The following SPMIP2 variants were observed in gnomAD, a reference collection of about 807,000 sequenced individuals.
SPMIP2 encodes sperm microtubule inner protein 2, also known as protein SPMIP2.
chr4:158,943,818 A>G, the SPMIP2 span, among the ~76,000 whole-genome samples: 2 of 139,464 alleles, frequency 1.4e-5, no homozygotes, highest in Admixed American at 1.4e-4. Context: ...AAAATCCTAC[A>G]CTTGGCCCTT....
chr4:159,007,672 A>G, the SPMIP2 span: 1 of 730,084 alleles, frequency 1.4e-6, no homozygotes, highest in Non-Finnish European at 2.4e-6. Flanking sequence ...CATGTAATGG[A>G]CTACTGGGTC....
At chr4:158,994,375 G>T in the SPMIP2 span, among the ~76,000 whole-genome samples, 3 of 152,174 alleles carry the variant, frequency 2.0e-5, no homozygotes, top group Non-Finnish European at 4.4e-5. Context: ...TTAATTTCCA[G>T]AACTGCCTTA....
At chr4:158,977,675 C>T in the SPMIP2 span, among the ~76,000 whole-genome samples, 1 of 142,200 alleles carries the variant, frequency 7.0e-6, no homozygotes, top group Non-Finnish European at 1.5e-5. Flanking sequence ...AGAGCAGTGG[C>T]ACAATCTCGG....
chr4:159,027,004 A>T, the SPMIP2 span, among the ~76,000 whole-genome samples: 1 of 147,788 alleles, frequency 6.8e-6, no homozygotes, highest in Admixed American at 6.8e-5. Flanking sequence ...GCAGCAACTG[A>T]TTTTTTTTTT....
At chr4:159,046,990 G>A in the SPMIP2 span, among the ~76,000 whole-genome samples, 10 of 152,184 alleles carry the variant, frequency 6.6e-5, no homozygotes, top group Non-Finnish European at 1.5e-4. Context: ...GGGGTTGATG[G>A]ACAGAGAGTT....
chr4:159,036,335 G>A, the SPMIP2 span, among the ~76,000 whole-genome samples: 2 of 152,204 alleles, frequency 1.3e-5, no homozygotes, highest in Non-Finnish European at 2.9e-5. Flanking sequence ...AGCAGACAGT[G>A]TCCAGCTGTC....
chr4:158,976,696 C>T, the SPMIP2 span, among the ~76,000 whole-genome samples: 3 of 114,950 alleles, frequency 2.6e-5, no homozygotes, highest in African/African-American at 3.5e-5. Flanking sequence ...GACAGAGTCT[C>T]GCTCTGTCAC....
the SPMIP2 span, among the ~76,000 whole-genome samples, chr4:158,957,287 A>G: frequency 6.6e-6 from 1 of 152,192 alleles, no homozygotes; most frequent in African/African-American, 2.4e-5. Flanking sequence ...ACAAGTTTCT[A>G]CAAAATCTGA....
the SPMIP2 span, among the ~76,000 whole-genome samples, chr4:159,073,189 T>C: frequency 6.6e-6 from 1 of 152,182 alleles, no homozygotes; most frequent in Non-Finnish European, 1.5e-5. Flanking sequence ...GGTCTCACTT[T>C]GTCACCCAGG....
the SPMIP2 span, among the ~76,000 whole-genome samples, chr4:158,954,633 A>T: frequency 6.6e-6 from 1 of 152,242 alleles, no homozygotes; most frequent in East Asian, 1.9e-4. Flanking sequence ...TTGTATTCCA[A>T]AGAGCTAAAG....
At chr4:158,941,493 C>CA in the SPMIP2 span, among the ~76,000 whole-genome samples, 3 of 152,016 alleles carry the variant, frequency 2.0e-5, no homozygotes, top group African/African-American at 7.3e-5. Flanking sequence ...TCTGTATCTA[C>CA]AAAAAAATTT....
chr4:158,930,094 A>T, the SPMIP2 span, among the ~76,000 whole-genome samples: 1 of 152,100 alleles, frequency 6.6e-6, no homozygotes, highest in South Asian at 2.1e-4. Flanking sequence ...TTCTTGGCTG[A>T]CAGTCTGTCT....
the SPMIP2 span, chr4:158,973,053 G>A: frequency 1.1e-5 from 16 of 1,396,876 alleles, no homozygotes; most frequent in African/African-American, 2.1e-4. Flanking sequence ...AGTATACTAT[G>A]AAAAGCATAA....
the SPMIP2 span, chr4:159,035,095 A>C: frequency 1.2e-6 from 2 of 1,612,602 alleles, no homozygotes; most frequent in South Asian, 2.2e-5. Context: ...TACAGATGCC[A>C]TGGCTAAAGT....
chr4:158,908,693 T>C, the SPMIP2 span, among the ~76,000 whole-genome samples: 35 of 152,264 alleles, frequency 2.3e-4, no homozygotes, highest in East Asian at 9.6e-4. Flanking sequence ...GCCTACTTCA[T>C]TATATTTTTT....
the SPMIP2 span, among the ~76,000 whole-genome samples, chr4:158,923,526 A>G: frequency 7.3e-6 from 1 of 137,308 alleles, no homozygotes; most frequent in Non-Finnish European, 1.5e-5. Flanking sequence ...TAGAGTATTC[A>G]TTGCTAATGT....
the SPMIP2 span, chr4:159,007,150 C>A: frequency 1.3e-6 from 1 of 787,836 alleles, no homozygotes; most frequent in Non-Finnish European, 2.2e-6. Context: ...GCGCCTGAGA[C>A]GGGAGGCCTG....
chr4:159,065,626 G>C, the SPMIP2 span, among the ~76,000 whole-genome samples: 1 of 152,162 alleles, frequency 6.6e-6, no homozygotes, highest in African/African-American at 2.4e-5. Context: ...GCTGAGGTGG[G>C]AGGATCTCCT....
the SPMIP2 span, among the ~76,000 whole-genome samples, chr4:159,079,758 T>G: frequency 1.4e-3 from 214 of 152,324 alleles, no homozygotes; most frequent in Non-Finnish European, 2.4e-3. Context: ...GGATATTACT[T>G]TTTACTTTTA....
Sources: gnomAD v4.1 joint callset for allele counts (sites outside exome capture counted in the v4.1 genomes callset) on GRCh38, gnomAD v4.1.1 for gene constraint, MANE v1.5 for transcripts, NCBI Gene and HGNC (gene_info 2026-07-23, HGNC 2026-07-21) for gene names.